Variants in KIF26B observed in about 807,000 individuals in gnomAD.
KIF26B encodes the protein kinesin family member 26B.
Under a neutral mutation model 151.2 loss-of-function variants are expected in KIF26B, and 63 were observed. The observed-to-expected ratio is 0.42, with a 90% confidence interval of 0.34 to 0.51. The LOEUF is 0.51. Ranked by LOEUF, KIF26B falls within the 20% of genes least tolerant of loss-of-function variation. The pLI, the probability that KIF26B is intolerant of heterozygous loss-of-function variation, is 0.07. For missense variants in KIF26B, 2,813 were observed against 2,913.6 expected, an observed-to-expected ratio of 0.97 and a Z score of 0.79; for synonymous variants, 1,357 against 1,262.1, an observed-to-expected ratio of 1.08 and a Z score of -1.59.
chr1:245,388,594 TG>T (rs1187507897), intron 3 of KIF26B, among the ~76,000 whole-genome samples: 1 of 152,226 alleles, frequency 6.6e-6, no homozygotes, highest in Non-Finnish European at 1.5e-5. Flanking sequence ...CTTCTACGTC[TG>T]CCTCCCGCCT....
chr1:245,334,132 A>G (rs570219807), intron 2 of KIF26B, among the ~76,000 whole-genome samples: 1 of 152,298 alleles, frequency 6.6e-6, no homozygotes, highest in Admixed American at 6.5e-5. Context: ...ACAAGAAACA[A>G]TGTGTGTGGG....
In KIF26B at chr1:245,419,428, A is replaced by G. The variant is rs565205633; in HGVS notation, c.1000-151A>G. On this transcript the variant is annotated intron_variant, in intron 3 of 14. Coordinates refer to ENST00000407071, the MANE Select transcript of KIF26B (RefSeq NM_018012.4). ...CTAAAATGCTGGAAAATAGCCTTCC[A>G]GTAGCCCTAAGCATCCACGTGTAAC... 5 of 550,112 alleles carry G rather than the reference A, an allele frequency of 9.1e-6. No homozygotes were observed. In the African/African-American group the frequency reaches 9.7e-5, roughly 11 times the overall value. The allele number at this position is 550,112 out of a possible 1,614,324, so 34.1% of individuals were successfully genotyped here. A position where few individuals can be genotyped will look rare whatever the true frequency, so the allele number is the denominator to read the frequency against.
chr1:245,631,229 C>G (rs1490967285), intron 9 of KIF26B, among the ~76,000 whole-genome samples: 1 of 152,154 alleles, frequency 6.6e-6, no homozygotes, highest in Non-Finnish European at 1.5e-5. Context: ...AGGCTTTTAG[C>G]TTTTCCCCAC....
At chr1:245,173,966 C>T (rs944540321) in intron 2 of KIF26B, among the ~76,000 whole-genome samples, 16 of 152,188 alleles carry the variant, frequency 1.1e-4, no homozygotes, top group Non-Finnish European at 2.1e-4. Context: ...TTTACACGGG[C>T]AGGGCAGTCG....
chr1:245,525,673 T>C (rs1056178951), intron 4 of KIF26B, among the ~76,000 whole-genome samples: 1 of 152,242 alleles, frequency 6.6e-6, no homozygotes, highest in African/African-American at 2.4e-5. Context: ...CACCTGAATA[T>C]ATTCACAGAC....
chr1:245,440,113 C>T (rs1200906962), intron 4 of KIF26B, among the ~76,000 whole-genome samples: 1 of 151,742 alleles, frequency 6.6e-6, no homozygotes, highest in East Asian at 1.9e-4. Flanking sequence ...CCCAGCTACT[C>T]GGGAGGCTGA....
At chr1:245,425,627 G>A (rs996541828) in intron 4 of KIF26B, among the ~76,000 whole-genome samples, 2 of 152,108 alleles carry the variant, frequency 1.3e-5, no homozygotes, top group Non-Finnish European at 2.9e-5. Flanking sequence ...AGATGGTCTC[G>A]ATCTCCTGAC....
chr1:245,258,993 T>C (rs927593016), intron 2 of KIF26B, among the ~76,000 whole-genome samples: 2 of 152,110 alleles, frequency 1.3e-5, no homozygotes, highest in African/African-American at 4.8e-5. Context: ...TCGTGCAACA[T>C]GTGTGCCAGT....
intron 2 of KIF26B, among the ~76,000 whole-genome samples, chr1:245,191,059 CAAAAAAAAA>C (rs55993346): frequency 9.6e-5 from 5 of 52,076 alleles, no homozygotes; most frequent in East Asian, 1.4e-3. Context: ...GACTCTGTCT[CAAAAAAAAA>C]AAAAAAAAAA....
intron 4 of KIF26B, among the ~76,000 whole-genome samples, chr1:245,490,943 G>A (rs1660396623): frequency 6.6e-6 from 1 of 152,188 alleles, no homozygotes; most frequent in Non-Finnish European, 1.5e-5. Flanking sequence ...TCAAAACAGT[G>A]CAGGTAAATG....
intron 2 of KIF26B, among the ~76,000 whole-genome samples, chr1:245,253,423 T>G (rs1670479004): frequency 6.6e-6 from 1 of 152,232 alleles, no homozygotes; most frequent in Non-Finnish European, 1.5e-5. Context: ...AATATATTGC[T>G]GGATTTGACT....
chr1:245,475,398 T>A lies in KIF26B; in HGVS notation c.1166+55653T>A, dbSNP rs183730869. ...AACTGTAGGGTTCCATTGTTTACAA[T>A]GGGGACAGCCTGCGGCACCACTAGA... On this transcript the variant is annotated intron_variant, in intron 4 of 14. Coordinates refer to ENST00000407071, the MANE Select transcript of KIF26B (RefSeq NM_018012.4). Among the ~76,000 whole-genome samples, 546 of 151,888 alleles carry A rather than the reference T, an allele frequency of 3.6e-3. 11 individuals are homozygous for A. Among genetic ancestry groups the A allele is most frequent in the African/African-American group, 0.012 (518 of 41,514 alleles).
chr1:245,242,489 A>G (rs1462414012), intron 2 of KIF26B, among the ~76,000 whole-genome samples: 2 of 152,210 alleles, frequency 1.3e-5, no homozygotes, highest in East Asian at 3.8e-4. Flanking sequence ...AAACACATAC[A>G]TTGTATTGGA....
At chr1:245,326,391 T>A (rs1250927249) in intron 2 of KIF26B, among the ~76,000 whole-genome samples, 1 of 152,234 alleles carries the variant, frequency 6.6e-6, no homozygotes, top group Non-Finnish European at 1.5e-5. Flanking sequence ...GTAGATTTGT[T>A]CAGCCTCTCA....
At chr1:245,614,419 C>T (rs1278705962) in intron 9 of KIF26B, among the ~76,000 whole-genome samples, 26 of 152,192 alleles carry the variant, frequency 1.7e-4, no homozygotes, top group Admixed American at 1.6e-3. Flanking sequence ...GTGATCCACC[C>T]GCCTCAGCCT....
intron 10 of KIF26B, among the ~76,000 whole-genome samples, chr1:245,678,368 G>A (rs1476855756): frequency 2.0e-5 from 3 of 152,228 alleles, no homozygotes; most frequent in Non-Finnish European, 2.9e-5. Context: ...GTTCTGGCAC[G>A]TTGCAGGTGA....
At chr1:245,265,549 A>T (rs1670729725) in intron 2 of KIF26B, among the ~76,000 whole-genome samples, 1 of 152,138 alleles carries the variant, frequency 6.6e-6, no homozygotes, top group Non-Finnish European at 1.5e-5. Flanking sequence ...TTAGGGAAGA[A>T]TATAGGAAGA....
intron 5 of KIF26B, among the ~76,000 whole-genome samples, chr1:245,558,667 C>A (rs1338977011): frequency 6.6e-6 from 1 of 152,224 alleles, no homozygotes; most frequent in African/African-American, 2.4e-5. Flanking sequence ...CAGAAGGTTG[C>A]GGGGACAGGG....
Position 245,686,641 on chromosome 1 carries a change from C to G in KIF26B, c.3658C>G (p.Arg1220Gly). The G allele has an allele frequency of 6.2e-7, 1 of 1,610,762 alleles. No homozygotes were observed. The highest frequency in any genetic ancestry group is 1.1e-5 in the South Asian group (1 of 90,638). ...IISFNSDCSA[R>G]ALASGSRPVS... Reference sequence around the variant, plus strand: ...CAGCTTCAACAGCGACTGCTCTGCACGGGCCCTGGCCTCGGGCTCGCGGCC... The same window carrying G: ...CAGCTTCAACAGCGACTGCTCTGCAGGGGCCCTGGCCTCGGGCTCGCGGCC... Residue 1220 changes from arginine to glycine, a missense_variant, in exon 12 of 15, where the codon CGG (arginine) becomes GGG (glycine). Arg to Gly is a moderately radical substitution (Grantham distance 125). Coordinates refer to ENST00000407071, the MANE Select transcript of KIF26B (RefSeq NM_018012.4). This position sits in a 1 kb window ranked among gnomAD's most constrained non-coding sequence, Gnocchi z 5.6.
Sources: allele counts gnomAD v4.1 joint callset (sites outside exome capture counted in the v4.1 genomes callset), GRCh38; gene constraint gnomAD v4.1.1; non-coding constraint Gnocchi (gnomAD v3.1); transcripts MANE v1.5; gene names NCBI Gene and HGNC (gene_info 2026-07-23, HGNC 2026-07-21).